Variants in SYNDIG1 observed in about 807,000 individuals in gnomAD.
SYNDIG1 encodes the protein synapse differentiation-inducing gene protein 1.
Under a neutral mutation model 19.4 loss-of-function variants are expected in SYNDIG1, and 9 were observed. The ratio of observed to expected loss-of-function variants is 0.46; its 90% CI spans 0.28 to 0.81. The LOEUF (loss-of-function observed/expected upper bound fraction) is 0.81, where lower values mean the gene tolerates loss of function less well. Among genes scored for constraint, SYNDIG1 ranks in the 30% least tolerant of loss-of-function variants. The pLI is 0.12. For missense variants in SYNDIG1, 311 were observed against 343.3 expected (o/e 0.91, Z 0.74); for synonymous variants, 141 against 145.9 (o/e 0.97, Z 0.24).
At chr20:24,652,706 C>T (rs1051970229) in intron 3 of SYNDIG1, among the ~76,000 whole-genome samples, 4 of 149,512 alleles carry the variant, frequency 2.7e-5, no homozygotes, top group Non-Finnish European at 3.0e-5. Context: ...CTGTTGGAGG[C>T]TTTCTCCACT....
chr20:24,512,712 C>T (rs1201756875), intron 1 of SYNDIG1, among the ~76,000 whole-genome samples: 5 of 152,168 alleles, frequency 3.3e-5, no homozygotes, highest in South Asian at 2.1e-4. Context: ...AGGGCATAGT[C>T]GAACAAAAGG....
At chr20:24,569,659 AT>A (rs1411820043) in intron 2 of SYNDIG1, among the ~76,000 whole-genome samples, 10 of 152,232 alleles carry the variant, frequency 6.6e-5, no homozygotes, top group African/African-American at 2.4e-4. Flanking sequence ...CCAGCTTTCT[AT>A]TAAAAAATCA....
intron 1 of SYNDIG1, among the ~76,000 whole-genome samples, chr20:24,522,676 G>A (rs1434558526): frequency 6.6e-6 from 1 of 152,126 alleles, no homozygotes; most frequent in Non-Finnish European, 1.5e-5. Flanking sequence ...TTGTGTTGCT[G>A]TAAGGGAATA....
chr20:24,542,344 C>G (rs903599125), intron 1 of SYNDIG1, among the ~76,000 whole-genome samples: 2 of 152,228 alleles, frequency 1.3e-5, no homozygotes, highest in Non-Finnish European at 2.9e-5. Context: ...TGTGCAGACT[C>G]ATCAGCTGGG....
At chr20:24,488,255 G>A (rs923425172) in intron 1 of SYNDIG1, among the ~76,000 whole-genome samples, 7 of 152,180 alleles carry the variant, frequency 4.6e-5, no homozygotes, top group African/African-American at 7.2e-5. Context: ...TAATTCAGCC[G>A]GGATCCTGGC....
intron 3 of SYNDIG1, among the ~76,000 whole-genome samples, chr20:24,632,846 T>G (rs539048197): frequency 1.3e-5 from 2 of 152,250 alleles, no homozygotes; most frequent in East Asian, 3.9e-4. Flanking sequence ...TGACAAGCTG[T>G]TTTCCTCCCT....
chr20:24,594,471 T>C (rs569710136), intron 3 of SYNDIG1, among the ~76,000 whole-genome samples: 117 of 152,358 alleles, frequency 7.7e-4, no homozygotes, highest in African/African-American at 2.8e-3. Flanking sequence ...TGCCTCCAGC[T>C]TTATTCTTTC....
chr20:24,624,075 A>C (rs2059081471), intron 3 of SYNDIG1, among the ~76,000 whole-genome samples: 1 of 152,150 alleles, frequency 6.6e-6, no homozygotes, highest in Non-Finnish European at 1.5e-5. Context: ...ATCCTAGCTA[A>C]CATGGTGAAA....
chr20:24,593,066 TG>T (rs1485833467), intron 3 of SYNDIG1, among the ~76,000 whole-genome samples: 1 of 152,164 alleles, frequency 6.6e-6, no homozygotes, highest in African/African-American at 2.4e-5. Flanking sequence ...AAACTCAGTT[TG>T]TCTTTCTTTA....
intron 1 of SYNDIG1, among the ~76,000 whole-genome samples, chr20:24,516,780 A>C (rs2056875852): frequency 6.6e-6 from 1 of 152,220 alleles, no homozygotes; most frequent in Admixed American, 6.5e-5. Context: ...AGGATCTAGA[A>C]CTAGAAATAC....
intron 2 of SYNDIG1, among the ~76,000 whole-genome samples, chr20:24,570,292 T>C (rs1159140119): frequency 1.3e-5 from 2 of 152,184 alleles, no homozygotes; most frequent in Non-Finnish European, 1.5e-5. Context: ...AAAGAAAGAA[T>C]AGACAAATTT....
chr20:24,564,629 G>A (rs994038961), intron 2 of SYNDIG1, among the ~76,000 whole-genome samples: 2 of 152,218 alleles, frequency 1.3e-5, no homozygotes, highest in Non-Finnish European at 2.9e-5. Flanking sequence ...AGGATAGTCT[G>A]TCCTTACAGA....
chr20:24,620,650 T>C (rs1032461403), intron 3 of SYNDIG1, among the ~76,000 whole-genome samples: 2 of 152,194 alleles, frequency 1.3e-5, no homozygotes, highest in African/African-American at 2.4e-5. Context: ...GGAGGAGACA[T>C]AGATGTCAAG....
At position 24,557,817 on chromosome 20, in the gene SYNDIG1, G is replaced by A. The variant is rs2057855758; in HGVS notation, c.480+14240G>A. Among the ~76,000 whole-genome samples, 3 of 152,222 alleles carry A rather than the reference G, an allele frequency of 2.0e-5. No homozygotes were observed. In the South Asian group the frequency reaches 6.2e-4, roughly 32 times the overall value. On this transcript the variant is annotated intron_variant, in intron 2 of 3. Transcript: ENST00000376862. Reference sequence around the variant, plus strand: ...TCAGATCTCCAGCCGCATGCTGGGAGAACCACTGCTCTCTTCAAAGCTCAG... The same window carrying A: ...TCAGATCTCCAGCCGCATGCTGGGAAAACCACTGCTCTCTTCAAAGCTCAG...
At chr20:24,494,375 G>A (rs1167445880) in intron 1 of SYNDIG1, among the ~76,000 whole-genome samples, 1 of 152,182 alleles carries the variant, frequency 6.6e-6, no homozygotes, top group Non-Finnish European at 1.5e-5. Flanking sequence ...GAGGGTGACT[G>A]TGGGAGTGGA....
chr20:24,542,816 A>G (rs2057493281), intron 1 of SYNDIG1, among the ~76,000 whole-genome samples: 1 of 152,186 alleles, frequency 6.6e-6, no homozygotes, highest in African/African-American at 2.4e-5. Flanking sequence ...GATTCAGGTA[A>G]TCAATTTCTG....
intron 2 of SYNDIG1, among the ~76,000 whole-genome samples, chr20:24,579,229 C>T (rs539807025): frequency 6.6e-5 from 10 of 152,212 alleles, no homozygotes; most frequent in East Asian, 3.9e-4. Flanking sequence ...TTGCTGTGGG[C>T]GGAGCCTTCA....
At chr20:24,582,852 G>A (rs1004206741) in intron 2 of SYNDIG1, among the ~76,000 whole-genome samples, 5 of 152,214 alleles carry the variant, frequency 3.3e-5, no homozygotes, top group African/African-American at 7.2e-5. Context: ...CAGAGGCAGC[G>A]ACTCCTTGAC....
intron 1 of SYNDIG1, among the ~76,000 whole-genome samples, chr20:24,473,474 A>T (rs55886142): frequency 1.3e-5 from 2 of 152,224 alleles, no homozygotes; most frequent in African/African-American, 4.8e-5. Context: ...CAAGATGCCC[A>T]TTTTGAATGA....
Sources: gnomAD v4.1 joint callset for allele counts (sites outside exome capture counted in the v4.1 genomes callset) on GRCh38, gnomAD v4.1.1 for gene constraint, MANE v1.5 for transcripts, NCBI Gene and HGNC (gene_info 2026-07-23, HGNC 2026-07-21) for gene names.